Variants in NKAIN2 observed in about 807,000 individuals in gnomAD.
NKAIN2 encodes sodium/potassium transporting ATPase interacting 2, also known as sodium/potassium-transporting ATPase subunit beta-1-interacting protein 2.
NKAIN2 carries 14 observed loss-of-function variants against 32.6 expected under a neutral mutation model. That is an observed-to-expected ratio of 0.43 (90% CI 0.28 to 0.67). NKAIN2 has a LOEUF of 0.67. NKAIN2 is among the 30% of genes least tolerant of loss of function. The pLI is 0.17. For missense variants in NKAIN2, 198 were observed against 258.3 expected (o/e 0.77, Z 1.60); for synonymous variants, 80 against 87.2 (o/e 0.92, Z 0.46).
intron 2 of NKAIN2, among the ~76,000 whole-genome samples, chr6:124,319,631 G>GT (rs1316639001): frequency 6.6e-6 from 1 of 151,960 alleles, no homozygotes; most frequent in South Asian, 2.1e-4. Context: ...TGCTTTTCAT[G>GT]ACCTCCAGTA....
At chr6:124,798,195 A>C (rs991940789) in intron 5 of NKAIN2, among the ~76,000 whole-genome samples, 2 of 151,888 alleles carry the variant, frequency 1.3e-5, no homozygotes, top group Non-Finnish European at 2.9e-5. Context: ...TTTATAAATC[A>C]CTCTTCAAAC....
intron 3 of NKAIN2, among the ~76,000 whole-genome samples, chr6:124,620,814 T>A (rs1280371421): frequency 6.6e-6 from 1 of 152,124 alleles, no homozygotes; most frequent in Non-Finnish European, 1.5e-5. Flanking sequence ...CTACCCAAGC[T>A]AAAAAGATAT....
intron 2 of NKAIN2, among the ~76,000 whole-genome samples, chr6:124,306,727 G>A (rs1205854848): frequency 6.6e-6 from 1 of 152,108 alleles, no homozygotes; most frequent in Admixed American, 6.6e-5. Flanking sequence ...AAAAAATTCT[G>A]TGCAGTGTTG....
chr6:124,667,203 C>A (rs1485672835), intron 4 of NKAIN2, among the ~76,000 whole-genome samples: 1 of 152,004 alleles, frequency 6.6e-6, no homozygotes, highest in Non-Finnish European at 1.5e-5. Context: ...ATATCACATT[C>A]TAAGGAAATG....
rs76698687 is a variant in NKAIN2, at chr6:124,370,565, A to G, written c.273+15218A>G. Among the ~76,000 whole-genome samples, 939 of 152,246 alleles carry G rather than the reference A, an allele frequency of 6.2e-3. 10 individuals carry two copies. The highest frequency in any genetic ancestry group is 0.022 in the African/African-American group (914 of 41,548). ...TAGCATAATATATAAAACTGAAGTA[A>G]TTAGGAGCTACGTCAAAAATGTCAT... is the stretch of plus-strand genomic sequence containing the variant. On this transcript the variant is annotated intron_variant, in intron 3 of 6. Transcript: ENST00000368417.
At chr6:124,302,060 G>A (rs761846252) in intron 2 of NKAIN2, among the ~76,000 whole-genome samples, 6 of 152,188 alleles carry the variant, frequency 3.9e-5, no homozygotes, top group Non-Finnish European at 7.3e-5. Context: ...GGGCCAGGCA[G>A]AGATAACTGA....
At chr6:124,790,318 C>T (rs1171680462) in intron 4 of NKAIN2, among the ~76,000 whole-genome samples, 1 of 152,046 alleles carries the variant, frequency 6.6e-6, no homozygotes, top group Non-Finnish European at 1.5e-5. Flanking sequence ...AAAACAACTT[C>T]ATTAGGCTTG....
At chr6:124,276,525 A>G (rs893339908) in intron 1 of NKAIN2, among the ~76,000 whole-genome samples, 1 of 152,062 alleles carries the variant, frequency 6.6e-6, no homozygotes, top group Non-Finnish European at 1.5e-5. Flanking sequence ...TCTCTTGGTA[A>G]GATAAAACAA....
chr6:124,350,223 A>G (rs1351450825), intron 2 of NKAIN2, among the ~76,000 whole-genome samples: 1 of 152,208 alleles, frequency 6.6e-6, no homozygotes, highest in Non-Finnish European at 1.5e-5. Flanking sequence ...TTGTAGCAAC[A>G]GGGAAGAAGT....
At chr6:124,250,805 A>G (rs1236338514) in intron 1 of NKAIN2, among the ~76,000 whole-genome samples, 1 of 152,078 alleles carries the variant, frequency 6.6e-6, no homozygotes, top group Non-Finnish European at 1.5e-5. Flanking sequence ...TATTGAATGA[A>G]TAAAAATTAT....
intron 1 of NKAIN2, among the ~76,000 whole-genome samples, chr6:124,017,288 T>C (rs1486829163): frequency 2.0e-5 from 3 of 152,114 alleles, no homozygotes; most frequent in African/African-American, 7.2e-5. Flanking sequence ...CCACGACATG[T>C]GGGAGCTATG....
chr6:124,374,112 AG>A (rs1159851462), intron 3 of NKAIN2, among the ~76,000 whole-genome samples: 15 of 152,108 alleles, frequency 9.9e-5, no homozygotes, highest in African/African-American at 3.6e-4. Flanking sequence ...GCTGAAGTAC[AG>A]GGTTTGACCT....
At chr6:123,880,019 C>T (rs1299920857) in intron 1 of NKAIN2, among the ~76,000 whole-genome samples, 1 of 152,162 alleles carries the variant, frequency 6.6e-6, no homozygotes, top group Non-Finnish European at 1.5e-5. Flanking sequence ...ATTCAATATA[C>T]TACTGCAGTA....
chr6:124,496,321 T>C (rs905953465), intron 3 of NKAIN2, among the ~76,000 whole-genome samples: 1 of 152,132 alleles, frequency 6.6e-6, no homozygotes. Context: ...AGTAAAATAG[T>C]ATGGATAACC....
chr6:124,609,326 A>G (rs1782605779), intron 3 of NKAIN2, among the ~76,000 whole-genome samples: 1 of 152,200 alleles, frequency 6.6e-6, no homozygotes, highest in Non-Finnish European at 1.5e-5. Flanking sequence ...CAATCATTAT[A>G]AAGCTTGAGG....
intron 1 of NKAIN2, among the ~76,000 whole-genome samples, chr6:124,170,904 T>G (rs962143840): frequency 6.6e-6 from 1 of 152,178 alleles, no homozygotes; most frequent in Admixed American, 6.5e-5. Context: ...CATTAGTTCT[T>G]TATAAGTTTT....
chr6:123,953,554 G>GT (rs2114590974), intron 1 of NKAIN2, among the ~76,000 whole-genome samples: 1 of 152,256 alleles, frequency 6.6e-6, no homozygotes, highest in Admixed American at 6.5e-5. Flanking sequence ...CCTATAGATG[G>GT]TTTGTGCATA....
At chr6:124,657,046 C>T (rs1406731713) in intron 3 of NKAIN2, among the ~76,000 whole-genome samples, 3 of 152,322 alleles carry the variant, frequency 2.0e-5, no homozygotes, top group South Asian at 2.1e-4. Flanking sequence ...ATTCATAGCA[C>T]ACCTTTTTCC....
intron 1 of NKAIN2, among the ~76,000 whole-genome samples, chr6:123,870,031 ATGG>A (rs1772784704): frequency 6.6e-6 from 1 of 152,166 alleles, no homozygotes; most frequent in African/African-American, 2.4e-5. Flanking sequence ...GGAATGTAAC[ATGG>A]TGGTGAAGAG....
Sources: allele counts gnomAD v4.1 joint callset (sites outside exome capture counted in the v4.1 genomes callset), GRCh38; gene constraint gnomAD v4.1.1; transcripts MANE v1.5; gene names NCBI Gene and HGNC (gene_info 2026-07-23, HGNC 2026-07-21).